The following RELN variants were observed in gnomAD, a reference collection of about 807,000 sequenced individuals.
RELN encodes reelin.
A neutral mutation model predicts 427.6 loss-of-function variants in RELN; 108 were observed. The ratio of observed to expected loss-of-function variants is 0.25; its 90% CI spans 0.22 to 0.30. RELN has a LOEUF of 0.30. Ranked by LOEUF, RELN falls within the 10% of genes least tolerant of loss-of-function variation. The pLI is 1.00. For synonymous variants in RELN, 1,524 were observed against 1,513.4 expected (o/e 1.01, Z -0.16); for missense variants, 3,715 against 4,302.8 (o/e 0.86, Z 3.82).
At chr7:103,833,020 C>A (rs182712556) in intron 3 of RELN, among the ~76,000 whole-genome samples, 8 of 152,158 alleles carry the variant, frequency 5.3e-5, no homozygotes, top group Non-Finnish European at 7.4e-5. Flanking sequence ...ATTTATGGAG[C>A]ACAATGTGAT....
intron 16 of RELN, among the ~76,000 whole-genome samples, chr7:103,646,009 TAAAC>T (rs1832789121): frequency 6.6e-6 from 1 of 151,776 alleles, no homozygotes; most frequent in Admixed American, 6.6e-5. Context: ...ACATGAAAAT[TAAAC>T]AACCTGCTCC....
intron 2 of RELN, among the ~76,000 whole-genome samples, chr7:103,857,422 A>C (rs1455593400): frequency 1.3e-5 from 2 of 152,238 alleles, no homozygotes; most frequent in African/African-American, 4.8e-5. Flanking sequence ...CCCTCTTTTA[A>C]GCAGACTGTG....
At chr7:103,616,019 C>T (rs1160215699) in intron 20 of RELN, among the ~76,000 whole-genome samples, 1 of 152,114 alleles carries the variant, frequency 6.6e-6, no homozygotes, top group Admixed American at 6.6e-5. Context: ...AAATTCATGT[C>T]AAAGAGCCAA....
chr7:103,887,442 A>G (rs1362470559), intron 2 of RELN, among the ~76,000 whole-genome samples: 2 of 152,212 alleles, frequency 1.3e-5, no homozygotes, highest in Non-Finnish European at 1.5e-5. Context: ...GGAAGTTTGC[A>G]TGGATGGAAG....
rs762107331 is a variant in RELN, at chr7:103,574,231, G to A, written c.4372C>T (p.Leu1458Phe). 3 of 1,614,010 alleles carry A rather than the reference G, an allele frequency of 1.9e-6. No homozygotes were observed. Among genetic ancestry groups the A allele is most frequent in the Non-Finnish European group, 2.5e-6 (3 of 1,180,028 alleles). ...GTTATCTTGTACCACAGAGGGCTGA[G>A]CTTCCCCTCAAACCTATCGAACATC... ...NEMFDRFEGK[L>F]SPLWYKITGA... Residue 1458 changes from leucine to phenylalanine, a missense_variant, in exon 30 of 65, where the codon CTC becomes TTC. Coordinates refer to ENST00000428762, the MANE Select transcript of RELN (RefSeq NM_005045.4).
chr7:103,903,816 A>C (rs1795135100), intron 2 of RELN, among the ~76,000 whole-genome samples: 1 of 151,808 alleles, frequency 6.6e-6, no homozygotes, highest in Non-Finnish European at 1.5e-5. Context: ...AAGTATCTAC[A>C]ATGGTTTCTG....
Position 103,491,854 on chromosome 7 carries a change from TCTCACACACACACACACACACA to T in RELN, c.9443+77_9443+98del, listed in dbSNP as rs878912961. ...CTCTCTCTCTCTCTCTCTCTCTCTC[TCTCACACACACACACACACACA>T]CACACACACACACACACACAACGAT... On this transcript the variant is annotated intron_variant, in intron 58 of 64. Transcript: ENST00000428762. The T allele has an allele frequency of 0.041, 15,222 of 374,672 alleles. 154 individuals are homozygous for T. The highest frequency in any genetic ancestry group is 0.092 in the East Asian group (1,266 of 13,728). The allele number at this position is 374,672 out of a possible 1,614,324, so 23.2% of individuals were successfully genotyped here. A position where few individuals can be genotyped will look rare whatever the true frequency, so the allele number is the denominator to read the frequency against.
chr7:103,608,383 G>T (rs903170093), intron 22 of RELN, among the ~76,000 whole-genome samples: 3 of 151,980 alleles, frequency 2.0e-5, no homozygotes, highest in African/African-American at 4.8e-5. Flanking sequence ...TAAATATTCT[G>T]CTGGGTTGTT....
intron 7 of RELN, among the ~76,000 whole-genome samples, chr7:103,726,438 T>C (rs1244986665): frequency 3.3e-5 from 5 of 152,136 alleles, no homozygotes; most frequent in Non-Finnish European, 5.9e-5. Flanking sequence ...TTATTTTGAG[T>C]ATTTTCCTTT....
At chr7:103,866,002 C>T (rs1208426427) in intron 2 of RELN, among the ~76,000 whole-genome samples, 1 of 152,088 alleles carries the variant, frequency 6.6e-6, no homozygotes, top group Non-Finnish European at 1.5e-5. Context: ...ATGTACCTAA[C>T]CACTTGAGTT....
intron 10 of RELN, among the ~76,000 whole-genome samples, chr7:103,691,337 C>CA (rs1384546700): frequency 6.6e-6 from 1 of 151,658 alleles, no homozygotes; most frequent in African/African-American, 2.4e-5. Context: ...TCCCCCCCGC[C>CA]AAAAAACAGA....
At chr7:103,689,045 C>T (rs1833818827) in intron 10 of RELN, among the ~76,000 whole-genome samples, 1 of 152,004 alleles carries the variant, frequency 6.6e-6, no homozygotes, top group Non-Finnish European at 1.5e-5. Flanking sequence ...ACTCTAAATC[C>T]TTGATATTAG....
At chr7:103,553,957 A>G (rs1830470156) in intron 38 of RELN, 126 bp from the exon 39 acceptor site, 1 of 776,680 alleles carries the variant, frequency 1.3e-6, no homozygotes, top group Non-Finnish European at 2.2e-6. Flanking sequence ...TGCCTTCTAC[A>G]GGAGGATTGT....
intron 2 of RELN, among the ~76,000 whole-genome samples, chr7:103,884,123 T>G (rs1794671261): frequency 6.6e-6 from 1 of 152,032 alleles, no homozygotes; most frequent in African/African-American, 2.4e-5. Flanking sequence ...TCAGAAATAA[T>G]GCCACACATC....
At chr7:103,973,105 G>GCAAAGGTGCCC (rs1563119025) in intron 1 of RELN, among the ~76,000 whole-genome samples, 1 of 152,180 alleles carries the variant, frequency 6.6e-6, no homozygotes, top group Non-Finnish European at 1.5e-5. Context: ...TGCCCTGAAG[G>GCAAAGGTGCCC]TTTAAGTAAA....
intron 16 of RELN, among the ~76,000 whole-genome samples, chr7:103,649,709 C>G (rs1832872856): frequency 6.7e-6 from 1 of 149,776 alleles, no homozygotes; most frequent in Admixed American, 6.7e-5. Context: ...TAAAATGATG[C>G]AAAATTCCAA....
chr7:103,895,981 CTAT>C (rs1231271809), intron 2 of RELN, among the ~76,000 whole-genome samples: 13 of 152,216 alleles, frequency 8.5e-5, no homozygotes, highest in African/African-American at 2.9e-4. Flanking sequence ...TTACAAACTA[CTAT>C]TACTCAATAA....
chr7:103,904,940 A>G (rs1795163397), intron 2 of RELN, among the ~76,000 whole-genome samples: 1 of 150,330 alleles, frequency 6.7e-6, no homozygotes, highest in Non-Finnish European at 1.5e-5. Context: ...GCTGTAAGAT[A>G]CGAGGCTGGA....
At chr7:103,866,057 G>T (rs940742430) in intron 2 of RELN, among the ~76,000 whole-genome samples, 4 of 152,082 alleles carry the variant, frequency 2.6e-5, no homozygotes, top group African/African-American at 9.7e-5. Context: ...TTTATTGACA[G>T]TATGTTACAT....
Sources: gnomAD v4.1 joint callset for allele counts (sites outside exome capture counted in the v4.1 genomes callset) on GRCh38, gnomAD v4.1.1 for gene constraint, MANE v1.5 for transcripts, NCBI Gene and HGNC (gene_info 2026-07-23, HGNC 2026-07-21) for gene names.